The following NAA20 variants were observed in gnomAD, a reference collection of about 807,000 sequenced individuals.
NAA20 encodes the protein N-alpha-acetyltransferase 20.
A neutral mutation model predicts 23.8 loss-of-function variants in NAA20; 24 were observed. The observed-to-expected ratio is 1.01, with a 90% confidence interval of 0.73 to 1.42. The LOEUF is 1.42. Among genes scored for constraint, NAA20 ranks in the 40% most tolerant of loss-of-function variants. NAA20 has a pLI of 0.00. For missense variants in NAA20, 166 were observed against 223.1 expected (o/e 0.74, Z 1.63); for synonymous variants, 83 against 77.7 (o/e 1.07, Z -0.36).
At chr20:20,024,836 T>C (rs904140759) in intron 2 of NAA20, among the ~76,000 whole-genome samples, 5 of 152,230 alleles carry the variant, frequency 3.3e-5, no homozygotes, top group African/African-American at 1.2e-4. Context: ...AGAGGAGATT[T>C]TGAAGAATTT....
rs1404876800 is a variant in NAA20 at position 20,017,395 on chromosome 20, C to T, written c.-2C>T. The T allele has an allele frequency of 1.2e-6, 2 of 1,611,380 alleles. No individual in the cohort carries two copies. The highest frequency in any genetic ancestry group is 1.7e-6 in the Non-Finnish European group (2 of 1,179,344). ...ACGGTCTTCGGAAGCGGCGGCGGCGCGATGACCACGCTACGGGCCTTTACC... is the reference window on the plus strand; with the variant it reads ...ACGGTCTTCGGAAGCGGCGGCGGCGTGATGACCACGCTACGGGCCTTTACC... On this transcript the variant is annotated 5_prime_UTR_variant, in exon 1 of 6. Coordinates refer to ENST00000334982, the MANE Select transcript of NAA20 (RefSeq NM_016100.5).
At chr20:20,018,278 C>T (rs534755159) in intron 1 of NAA20, 39 of 586,428 alleles carry the variant, frequency 6.7e-5, no homozygotes, top group Non-Finnish European at 1.1e-4. Flanking sequence ...GGAATTTCAC[C>T]ATGTGCTTTT....
At position 20,021,044 on chromosome 20, in the gene NAA20, G is replaced by C. The variant is rs879902360; in HGVS notation, c.54-1412G>C. Among the ~76,000 whole-genome samples, 560 of 140,856 alleles carry C rather than the reference G, an allele frequency of 4.0e-3. 16 individuals are homozygous for C. Among genetic ancestry groups the C allele is most frequent in the Middle Eastern group, 0.018 (5 of 284 alleles). 92.4% of individuals were successfully genotyped at this position (140,856 alleles called of 152,430 possible). A position where few individuals can be genotyped will look rare whatever the true frequency, so the allele number is the denominator to read the frequency against. On this transcript the variant is annotated intron_variant, in intron 1 of 5. Transcript: ENST00000334982. Reference sequence around the variant, plus strand: ...TGTGCGTGGGTTCGGTGGGCGGGGGGGGGGGGGGACTTTGGCAAAGACTTC... The same window carrying C: ...TGTGCGTGGGTTCGGTGGGCGGGGGCGGGGGGGGACTTTGGCAAAGACTTC...
chr20:20,028,026 AG>A (rs1222435108), intron 4 of NAA20, among the ~76,000 whole-genome samples: 2 of 152,184 alleles, frequency 1.3e-5, no homozygotes, highest in Non-Finnish European at 2.9e-5. Context: ...GTTTTAAAGA[AG>A]TATCTGTGGC....
intron 4 of NAA20, among the ~76,000 whole-genome samples, chr20:20,030,337 G>T (rs992421630): frequency 4.0e-5 from 6 of 151,656 alleles, no homozygotes; most frequent in African/African-American, 1.4e-4. Context: ...TTTAGAAAGT[G>T]CAGCAAACTT....
intron 1 of NAA20, chr20:20,017,974 T>C: frequency 3.7e-6 from 6 of 1,614,130 alleles, no homozygotes; most frequent in Non-Finnish European, 4.2e-6. Flanking sequence ...GTGGCCGTGG[T>C]TAAATTGTAT....
At chr20:20,017,748 C>G in intron 1 of NAA20, 1 of 1,433,058 alleles carries the variant, frequency 7.0e-7, no homozygotes, top group Non-Finnish European at 9.1e-7. Context: ...CTCGTGGTCG[C>G]TGTCAGGAGG....
chr20:20,017,593 G>A (rs1251858194), intron 1 of NAA20, 144 bp downstream of exon 1: 4 of 1,323,362 alleles, frequency 3.0e-6, no homozygotes, highest in East Asian at 5.6e-5. Flanking sequence ...CGGCCAACGT[G>A]GGCGCCTCCC....
At chr20:20,018,024 G>A (rs1292622054) in intron 1 of NAA20, 2 of 1,614,242 alleles carry the variant, frequency 1.2e-6, no homozygotes, top group Non-Finnish European at 8.5e-7. Context: ...CCCTGCAGCA[G>A]ATGCTGTCTC....
At chr20:20,032,348 C>A (rs2043349475) in intron 4 of NAA20, among the ~76,000 whole-genome samples, 160 bp from the exon 5 acceptor site, 1 of 150,292 alleles carries the variant, frequency 6.7e-6, no homozygotes, top group African/African-American at 2.5e-5. Context: ...CTAAGTAATA[C>A]AAATTTCTAT....
chr20:20,022,439 T>G lies in NAA20; in HGVS notation c.54-17T>G. On this transcript the variant is annotated splice_polypyrimidine_tract_variant and intron_variant, in intron 1 of 5. Coordinates refer to ENST00000334982, the MANE Select transcript of NAA20 (RefSeq NM_016100.5). ...GTAAACGCTGCTTACTAGAGACATTTCTCTTGTTTCTTTCAGTAACTTGGA... is the reference window on the plus strand; with the variant it reads ...GTAAACGCTGCTTACTAGAGACATTGCTCTTGTTTCTTTCAGTAACTTGGA... The G allele has an allele frequency of 6.3e-7, 1 of 1,587,486 alleles. No individual in the cohort carries two copies. The highest frequency in any genetic ancestry group is 8.5e-7 in the Non-Finnish European group (1 of 1,170,008).
At chr20:20,027,582 T>C (rs1175679388) in intron 4 of NAA20, among the ~76,000 whole-genome samples, 6 of 152,164 alleles carry the variant, frequency 3.9e-5, no homozygotes, top group Non-Finnish European at 8.8e-5. Flanking sequence ...AAGAGGAATG[T>C]AGCATGATCT....
In NAA20 at chr20:20,026,829, G is replaced by A; in HGVS notation, c.215G>A (p.Gly72Glu). 6.2e-7 allele frequency: 1 copy of A among 1,614,130 alleles called. No individual in the cohort carries two copies. ...EGSVAREEWH[G>E]HVTALSVAPE... ...TCAGTAGCTAGGGAAGAATGGCACG[G>A]GCACGTCACAGCTCTGTCTGTTGCC... Residue 72 changes from glycine (G) to glutamate (E), a missense_variant, in exon 4 of 6, where the codon GGG (glycine) becomes GAG (glutamate). By Grantham distance (98) the Gly-to-Glu change is moderately conservative. Coordinates refer to ENST00000334982, the MANE Select transcript of NAA20 (RefSeq NM_016100.5).
At chr20:20,027,460 A>T (rs943698829) in intron 4 of NAA20, among the ~76,000 whole-genome samples, 1 of 152,200 alleles carries the variant, frequency 6.6e-6, no homozygotes, top group Non-Finnish European at 1.5e-5. Flanking sequence ...TTGGACATTA[A>T]ATGACTTGGC....
At chr20:20,017,884 G>A in intron 1 of NAA20, 3 of 1,589,678 alleles carry the variant, frequency 1.9e-6, no homozygotes, top group South Asian at 2.2e-5. Flanking sequence ...CACCGCCGAC[G>A]GCCAGGCCGC....
intron 5 of NAA20, 62 bp downstream of exon 5, chr20:20,032,715 T>C: frequency 6.8e-7 from 1 of 1,479,212 alleles, no homozygotes. Context: ...TTTCTACAGA[T>C]TGTAGTATTT....
chr20:20,026,561 G>A (rs1482494458), intron 3 of NAA20, among the ~76,000 whole-genome samples: 1 of 128,458 alleles, frequency 7.8e-6, no homozygotes, highest in Non-Finnish European at 1.7e-5. Context: ...GTTCTTTTTT[G>A]TTCTAATTCT....
At chr20:20,018,150 C>T (rs372108039) in intron 1 of NAA20, 2 of 1,512,314 alleles carry the variant, frequency 1.3e-6, no homozygotes, top group East Asian at 2.3e-5. Context: ...GCCCAGAGCC[C>T]TGGATGCAGT....
At chr20:20,024,583 A>G (rs2043294666) in intron 2 of NAA20, among the ~76,000 whole-genome samples, 1 of 152,208 alleles carries the variant, frequency 6.6e-6, no homozygotes, top group African/African-American at 2.4e-5. Context: ...ATCCGTTTAT[A>G]TGGTGTGCTT....
Sources: allele counts gnomAD v4.1 joint callset (sites outside exome capture counted in the v4.1 genomes callset), GRCh38; gene constraint gnomAD v4.1.1; transcripts MANE v1.5; gene names NCBI Gene and HGNC (gene_info 2026-07-23, HGNC 2026-07-21).